Variants in CEP170 observed in about 807,000 individuals in gnomAD.
CEP170 encodes the protein centrosomal protein 170.
In CEP170, 21 loss-of-function variants were observed where a neutral mutation model predicts 151.9. The observed-to-expected ratio is 0.14, with a 90% CI of 0.10 to 0.20. The LOEUF (loss-of-function observed/expected upper bound fraction) is 0.20. Among genes scored for constraint, CEP170 ranks in the 10% least tolerant of loss-of-function variants. The probability of loss-of-function intolerance (pLI) is 1.00; values close to 1 mark genes in which losing one functional copy is unlikely to be tolerated. For missense variants in CEP170, 964 were observed against 1,892.9 expected (o/e 0.51, Z 9.11); for synonymous variants, 356 against 648.8 (o/e 0.55, Z 6.86).
intron 7 of CEP170, among the ~76,000 whole-genome samples, chr1:243,195,677 TAAAAA>T (rs1386225277): frequency 6.6e-6 from 1 of 151,332 alleles, no homozygotes; most frequent in African/African-American, 2.4e-5. Flanking sequence ...ATTTGAAACT[TAAAAA>T]AAAAGTTTAA....
intron 10 of CEP170, among the ~76,000 whole-genome samples, chr1:243,175,429 T>C (rs564329654): frequency 1.3e-5 from 2 of 152,318 alleles, no homozygotes; most frequent in South Asian, 2.1e-4. Context: ...AAATTAATGA[T>C]AGCAATGACT....
chr1:243,221,162 C>A (rs189484072), intron 3 of CEP170, among the ~76,000 whole-genome samples: 1 of 152,226 alleles, frequency 6.6e-6, no homozygotes, highest in Admixed American at 6.5e-5. Flanking sequence ...GTAGCTGGGA[C>A]TACAGGAGCC....
intron 1 of CEP170, among the ~76,000 whole-genome samples, chr1:243,245,013 C>T (rs932797755): frequency 1.3e-5 from 2 of 152,010 alleles, no homozygotes; most frequent in Non-Finnish European, 2.9e-5. Flanking sequence ...AAGGCAATGA[C>T]AATCTGGGAA....
At chr1:243,248,511 G>A (rs752121195) in intron 1 of CEP170, among the ~76,000 whole-genome samples, 1 of 152,150 alleles carries the variant, frequency 6.6e-6, no homozygotes, top group Non-Finnish European at 1.5e-5. Context: ...CTGAATGCTT[G>A]ACTTACATAT....
chr1:243,159,869 A>G (rs1387288104), intron 13 of CEP170, among the ~76,000 whole-genome samples: 1 of 149,124 alleles, frequency 6.7e-6, no homozygotes, highest in African/African-American at 2.5e-5. Flanking sequence ...GCTCACTGCA[A>G]TCTCCACCTC....
intron 1 of CEP170, among the ~76,000 whole-genome samples, chr1:243,231,011 C>A (rs1336888171): frequency 6.6e-6 from 1 of 151,156 alleles, no homozygotes; most frequent in African/African-American, 2.4e-5. Flanking sequence ...TCTTCATGTA[C>A]AATGGAGCCT....
At chr1:243,225,644 CTCATGTTAGCA>C (rs1252113546) in intron 1 of CEP170, among the ~76,000 whole-genome samples, 1 of 152,126 alleles carries the variant, frequency 6.6e-6, no homozygotes, top group African/African-American at 2.4e-5. Flanking sequence ...CAAGTAAATG[CTCATGTTAGCA>C]TCATGTTAGT....
intron 14 of CEP170, among the ~76,000 whole-genome samples, chr1:243,146,485 T>G (rs1389656967): frequency 6.6e-6 from 1 of 152,176 alleles, no homozygotes; most frequent in Non-Finnish European, 1.5e-5. Flanking sequence ...AGGTATAAAG[T>G]AAAAATTCAT....
In CEP170 at chr1:243,226,173, ATATATATC is replaced by A. The variant is rs1306106566; in HGVS notation, c.-41-860_-41-853del. The stretch of plus-strand genomic sequence containing the variant: ...TACATGTCTATCTCTCTATAGATAT[ATATATATC>A]TAGATATATATATCTAGATATATAT... On this transcript the variant is annotated intron_variant, in intron 1 of 19. Transcript: ENST00000366542. Among the ~76,000 whole-genome samples, 40 of 68,652 alleles carry A rather than the reference ATATATATC, an allele frequency of 5.8e-4. 1 individual carries two copies. The East Asian group carries it at 0.012, about 20-fold the overall frequency. 45.0% of individuals were successfully genotyped at this position (68,652 alleles called of 152,430 possible).
chr1:243,189,145 G>T (rs1326893102), intron 8 of CEP170, among the ~76,000 whole-genome samples: 8 of 152,130 alleles, frequency 5.3e-5, no homozygotes, highest in Admixed American at 4.6e-4. Flanking sequence ...GGGCTTAAAA[G>T]ATCTAATCAT....
intron 3 of CEP170, among the ~76,000 whole-genome samples, chr1:243,215,048 T>C (rs1169481431): frequency 6.6e-6 from 1 of 152,222 alleles, no homozygotes; most frequent in Non-Finnish European, 1.5e-5. Flanking sequence ...AATACTTTTA[T>C]AATTTCTTAT....
At position 243,185,624 on chromosome 1, in the gene CEP170, G is replaced by C. The variant is rs2059892636; in HGVS notation, c.1566+155C>G. 6.6e-6 allele frequency among the ~76,000 whole-genome samples: 1 copy of C among 152,070 alleles called. No homozygotes were observed. Among genetic ancestry groups the C allele is most frequent in the Non-Finnish European group, 1.5e-5 (1 of 68,006 alleles). ...AGCAAATAAAATCACAAAGCATGTT[G>C]GTCTTACTGTTAAGTCTTGCAGTTC... On this transcript the variant is annotated intron_variant, in intron 10 of 19. Coordinates refer to ENST00000366542, the MANE Select transcript of CEP170 (RefSeq NM_014812.3). The surrounding 1 kb of genome is among the most constrained non-coding windows in gnomAD (Gnocchi z 4.9).
At chr1:243,161,204 G>T (rs1410533466) in intron 13 of CEP170, among the ~76,000 whole-genome samples, 2 of 151,670 alleles carry the variant, frequency 1.3e-5, no homozygotes, top group African/African-American at 4.9e-5. Flanking sequence ...TTGGGAGGCT[G>T]AGGCAGGAGA....
intron 10 of CEP170, among the ~76,000 whole-genome samples, chr1:243,183,869 TATG>T (rs1490049650): frequency 6.6e-6 from 1 of 152,118 alleles, no homozygotes; most frequent in Non-Finnish European, 1.5e-5. Context: ...AAATGATGCT[TATG>T]ATAATTGTAG....
Position 243,185,419 on chromosome 1 carries a change from TA to T in CEP170, c.1566+359del, listed in dbSNP as rs1372149109. On this transcript the variant is annotated intron_variant, in intron 10 of 19. Transcript: ENST00000366542. The surrounding 1 kb of genome is among the most constrained non-coding windows in gnomAD (Gnocchi z 4.9). The stretch of plus-strand genomic sequence containing the variant: ...TATTGGCTAATATCTACATTTATGT[TA>T]ACAGAGTTATAGCAATGTTTGTTGG... Among the ~76,000 whole-genome samples the T allele has an allele frequency of 6.6e-6, 1 of 152,232 alleles. No homozygotes were observed. Among genetic ancestry groups the T allele is most frequent in the Non-Finnish European group, 1.5e-5 (1 of 68,036 alleles).
rs1157186894 is a variant in CEP170 at position 243,165,754 on chromosome 1, T to C, written c.2206A>G (p.Lys736Glu). The C allele has an allele frequency of 5.6e-6, 9 of 1,614,066 alleles. No homozygotes were observed. Among genetic ancestry groups the C allele is most frequent in the Middle Eastern group, 1.6e-4 (1 of 6,062 alleles). ...GTTTGCTTTACCAAAGAAGTTTCCTTATCAGTTTCACTTTTCTCTTTTCCA... is the reference window on the plus strand; with the variant it reads ...GTTTGCTTTACCAAAGAAGTTTCCTCATCAGTTTCACTTTTCTCTTTTCCA... ...APGKEKSETD[K>E]ETSLVKQTLA... is the part of the protein sequence containing the mutation. Residue 736 changes from lysine (K) to glutamate (E), a missense_variant, in exon 13 of 20, where the codon AAG (lysine) becomes GAG (glutamate). Transcript: ENST00000366542.
intron 4 of CEP170, among the ~76,000 whole-genome samples, chr1:243,205,926 CAAAA>C (rs985893059): frequency 5.8e-4 from 78 of 135,142 alleles, no homozygotes; most frequent in African/African-American, 1.8e-3. Context: ...AAACAACAAA[CAAAA>C]AGAAAGAAGA....
chr1:243,255,085 C>G lies in CEP170; in HGVS notation c.-87G>C, dbSNP rs990635344. On this transcript the variant is annotated 5_prime_UTR_variant, in exon 1 of 20. Transcript: ENST00000366542. ...ACCGGACGGGGGAGGCGGGGCGCGT[C>G]GCGTCCCGTGAGTCTCTCGCACGCC... 1 of 152,534 alleles carries G rather than the reference C, an allele frequency of 6.6e-6. No homozygotes were observed. The highest frequency in any genetic ancestry group is 2.4e-5 in the African/African-American group (1 of 41,454). The allele number at this position is 152,534 out of a possible 1,614,324, so 9.4% of individuals were successfully genotyped here.
intron 13 of CEP170, among the ~76,000 whole-genome samples, chr1:243,157,861 A>G (rs1424098364): frequency 1.3e-5 from 2 of 152,160 alleles, no homozygotes; most frequent in African/African-American, 4.8e-5. Context: ...TCACACCCCT[A>G]TTTACAGATC....
Sources: gnomAD v4.1 joint callset for allele counts (sites outside exome capture counted in the v4.1 genomes callset) on GRCh38, gnomAD v4.1.1 for gene constraint, Gnocchi (gnomAD v3.1) non-coding constraint, MANE v1.5 for transcripts, NCBI Gene and HGNC (gene_info 2026-07-23, HGNC 2026-07-21) for gene names.